Variants in XPO5 observed in about 807,000 individuals in gnomAD.
XPO5 encodes exportin-5.
Under a neutral mutation model 160.6 loss-of-function variants are expected in XPO5, and 46 were observed. That is an observed-to-expected ratio of 0.29 (90% CI 0.23 to 0.37). The LOEUF is 0.37. XPO5 is among the 10% of genes least tolerant of loss of function. The probability of loss-of-function intolerance (pLI) is 1.00; values close to 1 mark genes in which losing one functional copy is unlikely to be tolerated. For synonymous variants in XPO5, 537 were observed against 519.3 expected, an observed-to-expected ratio of 1.03 and a Z score of -0.46; for missense variants, 1,090 against 1,463.9, an observed-to-expected ratio of 0.74 and a Z score of 4.17.
At chr6:43,531,354 A>C (rs1264364814) in intron 22 of XPO5, 125 bp downstream of exon 22, 8 of 844,504 alleles carry the variant, frequency 9.5e-6, no homozygotes, top group African/African-American at 1.7e-5. Context: ...CACTAGAATG[A>C]TAAGTTTCCT....
rs1338439499 is a variant in XPO5, at chr6:43,573,611, GA to G, written c.106-11del. On this transcript the variant is annotated splice_polypyrimidine_tract_variant and intron_variant, in intron 1 of 31. Coordinates refer to ENST00000265351, the MANE Select transcript of XPO5 (RefSeq NM_020750.3). ...TAAACTCCTCACAAAACTGAAAGAA[GA>G]AAAGTTAGTGTTTCCTTTCGAGGGC... 6.2e-7 allele frequency: 1 copy of G among 1,610,140 alleles called. No individual in the cohort carries two copies. The highest frequency in any genetic ancestry group is 8.5e-7 in the Non-Finnish European group (1 of 1,177,830).
chr6:43,548,977 A>G (rs955699964), intron 17 of XPO5, among the ~76,000 whole-genome samples: 2 of 152,210 alleles, frequency 1.3e-5, no homozygotes, highest in Non-Finnish European at 2.9e-5. Context: ...ATGGCAGAGA[A>G]CTATTTGTAT....
intron 19 of XPO5, 38 bp from the exon 20 acceptor site, chr6:43,546,790 G>C: frequency 8.5e-7 from 1 of 1,174,066 alleles, no homozygotes; most frequent in Non-Finnish European, 1.1e-6. Flanking sequence ...ATATTAAAAG[G>C]AAAAAAAAAA....
At position 43,526,724 on chromosome 6, in the gene XPO5, CCTT is replaced by C. The variant is rs1793618494; in HGVS notation, c.2941_2943del (p.Lys981del). On this transcript the variant is annotated inframe_deletion, in exon 27 of 32. Coordinates refer to ENST00000265351, the MANE Select transcript of XPO5 (RefSeq NM_020750.3). ...GGGGGAGCACTACTGTGGTCAGCACCCTTCTTTGAAACACAGCAAACCGCTAAA... is the reference window on the plus strand; with the variant it reads ...GGGGGAGCACTACTGTGGTCAGCACCCTTTGAAACACAGCAAACCGCTAAA... 3 of 1,613,778 alleles carry C rather than the reference CCTT, an allele frequency of 1.9e-6. No individual in the cohort carries two copies. The highest frequency in any genetic ancestry group is 1.3e-5 in the African/African-American group (1 of 74,898).
At chr6:43,536,271 C>T (rs532307271) in intron 20 of XPO5, among the ~76,000 whole-genome samples, 2 of 151,704 alleles carry the variant, frequency 1.3e-5, no homozygotes, top group East Asian at 1.9e-4. Flanking sequence ...AAAAATTAGC[C>T]GGGTGTGGTG....
chr6:43,562,231 G>C lies in XPO5; in HGVS notation c.1011+16C>G, dbSNP rs764393041. 4 of 1,591,216 alleles carry C rather than the reference G, an allele frequency of 2.5e-6. No homozygotes were observed. Among genetic ancestry groups the C allele is most frequent in the Non-Finnish European group, 3.4e-6 (4 of 1,168,254 alleles). On this transcript the variant is annotated intron_variant, in intron 9 of 31. Coordinates refer to ENST00000265351, the MANE Select transcript of XPO5 (RefSeq NM_020750.3). ...AAATGGGCTTGAAGCTCTCCAGAAA[G>C]CAAACACTAGCTCACCAGCAATGCA...
At chr6:43,556,938 G>A (rs1762121650) in intron 12 of XPO5, among the ~76,000 whole-genome samples, 1 of 151,898 alleles carries the variant, frequency 6.6e-6, no homozygotes, top group African/African-American at 2.4e-5. Flanking sequence ...GACCAGCCTG[G>A]CCAACATGAT....
intron 20 of XPO5, among the ~76,000 whole-genome samples, chr6:43,535,384 G>A (rs1794252643): frequency 6.6e-6 from 1 of 151,952 alleles, no homozygotes; most frequent in Non-Finnish European, 1.5e-5. Context: ...GAGGTCAGGA[G>A]TTCAAGACCA....
chr6:43,550,056 G>T, intron 15 of XPO5, 122 bp from the exon 16 acceptor site: 2 of 1,002,260 alleles, frequency 2.0e-6, no homozygotes, highest in Non-Finnish European at 3.0e-6. Context: ...TTAGCCTTCT[G>T]AGTAGCTGGG....
In XPO5 at chr6:43,538,947, G is replaced by A. The variant is rs1794519121; in HGVS notation, c.2343-4940C>T. 9 of 1,338,344 alleles carry A rather than the reference G, an allele frequency of 6.7e-6. No homozygotes were observed. In the South Asian group the frequency reaches 1.0e-4, roughly 16 times the overall value. The allele number at this position is 1,338,344 out of a possible 1,614,324, so 82.9% of individuals were successfully genotyped here. A position where few individuals can be genotyped will look rare whatever the true frequency, so the allele number is the denominator to read the frequency against. On this transcript the variant is annotated intron_variant, in intron 20 of 31. Transcript: ENST00000265351. ...AATACAGTCTCCTTCCAGAGGTCGG[G>A]GGTCAGGTAGCTGTAGGTCTTAGAA... is the stretch of plus-strand genomic sequence containing the variant.
intron 20 of XPO5, among the ~76,000 whole-genome samples, chr6:43,540,649 G>A (rs993092548): frequency 2.6e-5 from 4 of 152,066 alleles, no homozygotes; most frequent in South Asian, 4.1e-4. Flanking sequence ...GTGACACTCC[G>A]TTTCAAAAAA....
chr6:43,556,214 A>G (rs1762078024), intron 12 of XPO5: 1 of 402,132 alleles, frequency 2.5e-6, no homozygotes, highest in Non-Finnish European at 4.5e-6. Context: ...TTAGTCTCCC[A>G]TTTCTGTTTG....
chr6:43,522,543 G>T lies in XPO5; in HGVS notation c.*1325C>A. On this transcript the variant is annotated 3_prime_UTR_variant, in exon 32 of 32. Transcript: ENST00000265351. Reference sequence around the variant, plus strand: ...CAGGTTTGGAGGGAAACACTCTTGAGATCGCCTTCACGATCCACAGAAACC... The same window carrying T: ...CAGGTTTGGAGGGAAACACTCTTGATATCGCCTTCACGATCCACAGAAACC... 1 of 264,400 alleles carries T rather than the reference G, an allele frequency of 3.8e-6. No homozygotes were observed. Among genetic ancestry groups the T allele is most frequent in the South Asian group, 3.2e-5 (1 of 30,970 alleles). The allele number at this position is 264,400 out of a possible 1,614,324, so 16.4% of individuals were successfully genotyped here. A position where few individuals can be genotyped will look rare whatever the true frequency, so the allele number is the denominator to read the frequency against.
intron 20 of XPO5, among the ~76,000 whole-genome samples, chr6:43,536,758 TAAAAAAAAAAAAAAAAA>T (rs1156884252): frequency 5.2e-5 from 1 of 19,100 alleles, no homozygotes; most frequent in Non-Finnish European, 8.6e-5. Context: ...AGACTCTATC[TAAAAAAAAAAAAAAAAA>T]AAAAAAAAAA....
At chr6:43,560,408 AC>A (rs1762357585) in intron 10 of XPO5, 105 bp from the exon 11 acceptor site, 1 of 1,369,192 alleles carries the variant, frequency 7.3e-7, no homozygotes, top group Non-Finnish European at 9.6e-7. Flanking sequence ...ATAAATCTGT[AC>A]AATACTTTGA....
At chr6:43,542,366 C>A (rs1305790790) in intron 20 of XPO5, among the ~76,000 whole-genome samples, 1 of 152,056 alleles carries the variant, frequency 6.6e-6, no homozygotes, top group Non-Finnish European at 1.5e-5. Flanking sequence ...TTGCTACATT[C>A]TTAAAGCAAA....
In XPO5 at chr6:43,522,780, G is replaced by A; in HGVS notation, c.*1088C>T. On this transcript the variant is annotated 3_prime_UTR_variant, in exon 32 of 32. Transcript: ENST00000265351. Reference sequence around the variant, plus strand: ...AGAGCACATGGACACACTGGTTTCTGTATGGATTAACTCTGCCTTACGGCC... The same window carrying A: ...AGAGCACATGGACACACTGGTTTCTATATGGATTAACTCTGCCTTACGGCC... The A allele has an allele frequency of 2.2e-6, 1 of 451,270 alleles. No individual in the cohort carries two copies. The highest frequency in any genetic ancestry group is 4.8e-6 in the Non-Finnish European group (1 of 208,676). The allele number at this position is 451,270 out of a possible 1,614,324, so 28.0% of individuals were successfully genotyped here.
chr6:43,575,642 G>T, intron 1 of XPO5, 118 bp downstream of exon 1: 1 of 883,476 alleles, frequency 1.1e-6, no homozygotes, highest in Non-Finnish European at 1.7e-6. Flanking sequence ...CGGGGAGTTG[G>T]GAAAGGAGGT....
intron 12 of XPO5, among the ~76,000 whole-genome samples, chr6:43,556,925 C>T (rs937026929): frequency 5.3e-5 from 8 of 151,282 alleles, no homozygotes. Context: ...GTCGGGAGTT[C>T]GAGACCAGCC....
Sources: gnomAD v4.1 joint callset for allele counts (sites outside exome capture counted in the v4.1 genomes callset) on GRCh38, gnomAD v4.1.1 for gene constraint, MANE v1.5 for transcripts, NCBI Gene and HGNC (gene_info 2026-07-23, HGNC 2026-07-21) for gene names.